Variants in DYM observed in about 807,000 individuals in gnomAD.
DYM encodes dymeclin, also known as dyggve-Melchior-Clausen syndrome protein.
Under a neutral mutation model 93.1 loss-of-function variants are expected in DYM, and 78 were observed. The observed-to-expected ratio is 0.84, with a 90% CI of 0.70 to 1.01. The LOEUF is 1.01. Ranked by LOEUF, DYM falls within the 50% of genes least tolerant of loss-of-function variation. DYM has a pLI of 0.00. For missense variants in DYM, 789 were observed against 845.0 expected (o/e 0.93, Z 0.82); for synonymous variants, 321 against 319.7 (o/e 1.00, Z -0.04).
At chr18:49,353,431 T>A (rs2065284797) in intron 6 of DYM, among the ~76,000 whole-genome samples, 1 of 151,744 alleles carries the variant, frequency 6.6e-6, no homozygotes, top group Non-Finnish European at 1.5e-5. Context: ...ATAATACAAG[T>A]AAGAAGAGAA....
intron 13 of DYM, among the ~76,000 whole-genome samples, chr18:49,243,500 A>G (rs1345964472): frequency 6.6e-6 from 1 of 151,910 alleles, no homozygotes; most frequent in Admixed American, 6.6e-5. Flanking sequence ...CCCTGTCTCT[A>G]CTAAAAATGC....
At chr18:49,248,467 T>C (rs2094216900) in intron 13 of DYM, among the ~76,000 whole-genome samples, 1 of 152,188 alleles carries the variant, frequency 6.6e-6, no homozygotes, top group African/African-American at 2.4e-5. Context: ...AGGTATGATA[T>C]CTCATTCAAG....
intron 13 of DYM, among the ~76,000 whole-genome samples, chr18:49,253,558 ACT>A (rs1489519053): frequency 2.0e-5 from 3 of 152,088 alleles, no homozygotes; most frequent in Non-Finnish European, 4.4e-5. Flanking sequence ...TAGAAAGAAG[ACT>A]CTGATCCAGT....
chr18:49,309,682 T>C (rs933910405), intron 8 of DYM, among the ~76,000 whole-genome samples: 2 of 152,198 alleles, frequency 1.3e-5, no homozygotes, highest in African/African-American at 4.8e-5. Context: ...GTATAAACCA[T>C]AGATATATAA....
intron 16 of DYM, among the ~76,000 whole-genome samples, chr18:49,102,684 C>G (rs899828361): frequency 1.6e-4 from 24 of 152,152 alleles, no homozygotes; most frequent in African/African-American, 5.5e-4. Context: ...TTTGTCCTTG[C>G]GATAGTTTGC....
At chr18:49,446,061 A>C (rs1285988156) in intron 1 of DYM, among the ~76,000 whole-genome samples, 1 of 152,226 alleles carries the variant, frequency 6.6e-6, no homozygotes, top group Admixed American at 6.5e-5. Context: ...TAAAATTGAT[A>C]AATCACAAAA....
chr18:49,422,949 G>C (rs1366221700), intron 2 of DYM, among the ~76,000 whole-genome samples: 2 of 152,136 alleles, frequency 1.3e-5, no homozygotes, highest in African/African-American at 4.8e-5. Context: ...ATAATAATGG[G>C]AGACTTTCAC....
chr18:49,361,169 C>G (rs1480657408), intron 6 of DYM, among the ~76,000 whole-genome samples: 6 of 152,222 alleles, frequency 3.9e-5, no homozygotes, highest in African/African-American at 1.4e-4. Context: ...ATGCAAGTGT[C>G]TGCTGCAGGA....
At chr18:49,248,995 A>G (rs1229104373) in intron 13 of DYM, among the ~76,000 whole-genome samples, 1 of 152,188 alleles carries the variant, frequency 6.6e-6, no homozygotes, top group Non-Finnish European at 1.5e-5. Flanking sequence ...GGGCTAGGGG[A>G]AAGCAAACTG....
At chr18:49,133,946 G>A (rs1331076015) in intron 15 of DYM, among the ~76,000 whole-genome samples, 2 of 152,168 alleles carry the variant, frequency 1.3e-5, no homozygotes. Flanking sequence ...CCAAATGTCC[G>A]ATAGTAGATG....
chr18:49,431,720 T>C (rs552641931), intron 1 of DYM: 4 of 152,216 alleles, frequency 2.6e-5, no homozygotes, highest in Non-Finnish European at 5.9e-5. Context: ...GTGACTCACT[T>C]TCTTCCTCAT....
chr18:49,418,358 A>C (rs867471133), intron 2 of DYM, among the ~76,000 whole-genome samples: 40 of 152,334 alleles, frequency 2.6e-4, no homozygotes, highest in African/African-American at 8.9e-4. Flanking sequence ...TAAAATATTT[A>C]GGAAAAAAAC....
At chr18:49,237,143 TTAGG>T (rs2093891896) in intron 13 of DYM, among the ~76,000 whole-genome samples, 1 of 152,046 alleles carries the variant, frequency 6.6e-6, no homozygotes, top group Non-Finnish European at 1.5e-5. Context: ...CACTGAAAGG[TTAGG>T]TAACTTCCCA....
chr18:49,199,304 C>G (rs1392192733), intron 14 of DYM, among the ~76,000 whole-genome samples: 5 of 152,168 alleles, frequency 3.3e-5, no homozygotes, highest in Non-Finnish European at 7.4e-5. Flanking sequence ...GTGCAGCACA[C>G]CAACATGGCA....
intron 2 of DYM, among the ~76,000 whole-genome samples, chr18:49,415,560 C>G (rs1466073574): frequency 6.6e-6 from 1 of 151,726 alleles, no homozygotes; most frequent in African/African-American, 2.4e-5. Flanking sequence ...CTTATATGAG[C>G]ACCATCTAGT....
intron 3 of DYM, among the ~76,000 whole-genome samples, chr18:49,384,624 C>CA (rs67349630): frequency 0.87 from 109,973 of 126,800 alleles, 47,548 homozygotes; most frequent in East Asian, 0.98. Flanking sequence ...CACTCCATCT[C>CA]AAAAAAAAAA....
intron 13 of DYM, among the ~76,000 whole-genome samples, chr18:49,226,639 C>G (rs1047375770): frequency 6.6e-6 from 1 of 152,122 alleles, no homozygotes; most frequent in African/African-American, 2.4e-5. Context: ...GAAGGGAACT[C>G]TAATGGAGAT....
In DYM at chr18:49,040,811, T is replaced by C. The variant is rs985847358; in HGVS notation, c.*3244A>G. 6.6e-6 allele frequency among the ~76,000 whole-genome samples: 1 copy of C among 152,206 alleles called. No homozygotes were observed. Among genetic ancestry groups the C allele is most frequent in the Non-Finnish European group, 1.5e-5 (1 of 68,034 alleles). ...TTATGCAGAGAGCTCTACCACCCAA[T>C]GCAAAACCCTGGCTCCCGGAATCTA... On this transcript the variant is annotated 3_prime_UTR_variant, in exon 18 of 18. Transcript: ENST00000675505.
intron 14 of DYM, among the ~76,000 whole-genome samples, chr18:49,200,782 T>C (rs546730273): frequency 2.2e-4 from 34 of 152,172 alleles, no homozygotes; most frequent in Non-Finnish European, 4.7e-4. Flanking sequence ...AATGATGTTT[T>C]GATATATGTA....
Sources: allele counts gnomAD v4.1 joint callset (sites outside exome capture counted in the v4.1 genomes callset), GRCh38; gene constraint gnomAD v4.1.1; transcripts MANE v1.5; gene names NCBI Gene and HGNC (gene_info 2026-07-23, HGNC 2026-07-21).